Variants in ELF1 observed in about 807,000 individuals in gnomAD.
The protein encoded by ELF1 is E74 like ETS transcription factor 1, also known as ETS-related transcription factor Elf-1.
Under a neutral mutation model 59.9 loss-of-function variants are expected in ELF1, and 24 were observed. The observed-to-expected ratio is 0.40, with a 90% CI of 0.29 to 0.56. The LOEUF is 0.56. ELF1 is among the 20% of genes least tolerant of loss of function. ELF1 has a pLI of 0.44. For synonymous variants in ELF1, 248 were observed against 266.2 expected, an observed-to-expected ratio of 0.93 and a Z score of 0.67; for missense variants, 627 against 742.2, an observed-to-expected ratio of 0.84 and a Z score of 1.80.
chr13:40,984,663 A>G (rs1408441650), intron 1 of ELF1, among the ~76,000 whole-genome samples: 1 of 152,250 alleles, frequency 6.6e-6, no homozygotes, highest in East Asian at 1.9e-4. Flanking sequence ...GGAAACTATT[A>G]TCACAAGCTT....
At chr13:41,029,495 C>T (rs1876079632) in intron 1 of ELF1, among the ~76,000 whole-genome samples, 1 of 152,172 alleles carries the variant, frequency 6.6e-6, no homozygotes. Flanking sequence ...GATCCTCTCA[C>T]CTCAGCCTCC....
Position 40,941,195 on chromosome 13 carries a change from G to A in ELF1, c.982C>T (p.Arg328Trp), listed in dbSNP as rs766771438. ...CCTGGACTTGAAGATACTCTCGACC[G>A]GCTGGTTTGATTCCTATTTGAAGTG... ...SATSNRNQTS[R>W]SRVSSSPGVK... is the part of the protein sequence containing the mutation. Residue 328 changes from arginine to tryptophan, a missense_variant, in exon 8 of 9, where the codon CGG becomes TGG. This residue lies in a region of ELF1 where 361 missense variants were observed against 396.1 expected (regional missense o/e 0.91). Coordinates refer to ENST00000239882, the MANE Select transcript of ELF1 (RefSeq NM_172373.4). 35 of 1,614,004 alleles carry A rather than the reference G, an allele frequency of 2.2e-5. No homozygotes were observed. The highest frequency in any genetic ancestry group is 1.4e-4 in the South Asian group (13 of 91,092).
rs144961243 is a variant in ELF1, at chr13:41,045,406, C to T, written c.-229+15432G>A. Among the ~76,000 whole-genome samples the T allele has an allele frequency of 0.019, 2,847 of 152,150 alleles. 125 individuals carry two copies. The East Asian group carries it at 0.19, about 10-fold the overall frequency. ...TAGGGTGTCAATTTTAGATCTTTCC[C>T]GCTTTCTCTTGTGGGCATTTAGTAC... On this transcript the variant is annotated intron_variant, in intron 1 of 1. Coordinates refer to the ELF1 transcript ENST00000405737.
chr13:41,045,489 G>A (rs529782937), intron 1 of ELF1, among the ~76,000 whole-genome samples: 6 of 152,246 alleles, frequency 3.9e-5, no homozygotes, highest in Non-Finnish European at 5.9e-5. Context: ...GGTATGTTGT[G>A]TCTTTGTTCT....
Position 41,048,353 on chromosome 13 carries a change from G to A in ELF1, c.-229+12485C>T, listed in dbSNP as rs11618326. ...TCAGTTGGAAATGCAGAAATCACCC[G>A]TCTTCTGCGTCACTCACGCTGAGAG... On this transcript the variant is annotated intron_variant, in intron 1 of 1. Transcript: ENST00000405737. Among the ~76,000 whole-genome samples, 1,503 of 152,280 alleles carry A rather than the reference G, an allele frequency of 9.9e-3. 19 individuals carry two copies. Among genetic ancestry groups the A allele is most frequent in the Admixed American group, 0.018 (280 of 15,302 alleles).
chr13:40,953,271 C>T (rs952537535), intron 3 of ELF1, among the ~76,000 whole-genome samples: 9 of 152,100 alleles, frequency 5.9e-5, no homozygotes, highest in African/African-American at 1.2e-4. Flanking sequence ...CCACCGTGCC[C>T]GGCCTACAGT....
intron 2 of ELF1, among the ~76,000 whole-genome samples, chr13:40,981,702 T>A (rs1357280336): frequency 6.6e-6 from 1 of 152,152 alleles, no homozygotes; most frequent in African/African-American, 2.4e-5. Context: ...TAAAAATAAT[T>A]ACTTAAGGCA....
intron 2 of ELF1, among the ~76,000 whole-genome samples, chr13:40,978,578 G>C (rs953327673): frequency 1.3e-5 from 2 of 151,866 alleles, no homozygotes; most frequent in Non-Finnish European, 2.9e-5. Context: ...ATTGTTAAAA[G>C]ACAACACTAG....
chr13:41,002,951 A>C (rs931063122), intron 1 of ELF1, among the ~76,000 whole-genome samples: 8 of 152,344 alleles, frequency 5.3e-5, no homozygotes, highest in African/African-American at 1.9e-4. Context: ...GTTTAAAAGA[A>C]TATTAAGTAA....
At chr13:41,057,752 C>T (rs1472336956) in intron 1 of ELF1, among the ~76,000 whole-genome samples, 1 of 152,176 alleles carries the variant, frequency 6.6e-6, no homozygotes, top group Non-Finnish European at 1.5e-5. Flanking sequence ...CACTCAGTGT[C>T]ACTAATTTAT....
chr13:40,936,495 T>C (rs1465179499), intron 8 of ELF1, among the ~76,000 whole-genome samples: 2 of 152,156 alleles, frequency 1.3e-5, no homozygotes, highest in Non-Finnish European at 2.9e-5. Flanking sequence ...GGCTCATGCC[T>C]GTAATCCTAG....
intron 1 of ELF1, among the ~76,000 whole-genome samples, chr13:41,054,393 T>C (rs535834813): frequency 3.3e-4 from 50 of 152,232 alleles, no homozygotes; most frequent in Admixed American, 1.9e-3. Context: ...GTTTTAGTCC[T>C]GATATTTTGT....
At chr13:40,954,110 A>G (rs1223265324) in intron 3 of ELF1, among the ~76,000 whole-genome samples, 1 of 152,246 alleles carries the variant, frequency 6.6e-6, no homozygotes, top group African/African-American at 2.4e-5. Flanking sequence ...AGCAATGAAT[A>G]GAAACTTCTA....
intron 1 of ELF1, among the ~76,000 whole-genome samples, chr13:41,008,571 TAA>T (rs530475968): frequency 2.7e-5 from 4 of 145,726 alleles, no homozygotes; most frequent in Admixed American, 6.9e-5. Context: ...TTGCTTAGGT[TAA>T]AAAAAAAAAA....
At chr13:40,951,566 A>T in intron 3 of ELF1, 130 bp from the exon 4 acceptor site, 4 of 564,100 alleles carry the variant, frequency 7.1e-6, no homozygotes, top group Non-Finnish European at 1.1e-5. Flanking sequence ...TATAAACTAT[A>T]AACACACAAA....
At position 40,966,703 on chromosome 13, in the gene ELF1, T is replaced by C. The variant is rs193294250; in HGVS notation, c.73-7687A>G. The stretch of plus-strand genomic sequence containing the variant: ...GTATCAAAAAGCACAAGAACTTTCA[T>C]ATAACTTGTTTACCAAGTTTCTCTA... On this transcript the variant is annotated intron_variant, in intron 2 of 8. Transcript: ENST00000239882. Among the ~76,000 whole-genome samples the C allele has an allele frequency of 3.3e-5, 5 of 152,236 alleles. No homozygotes were observed. The South Asian group carries it at 8.3e-4, about 25-fold the overall frequency.
At chr13:40,989,845 A>G (rs1285704097) in intron 1 of ELF1, among the ~76,000 whole-genome samples, 1 of 152,202 alleles carries the variant, frequency 6.6e-6, no homozygotes, top group Non-Finnish European at 1.5e-5. Context: ...GGGGGAATTT[A>G]AAAAACCAGA....
chr13:40,972,662 T>C (rs1263136196), intron 2 of ELF1, among the ~76,000 whole-genome samples: 1 of 152,128 alleles, frequency 6.6e-6, no homozygotes, highest in East Asian at 1.9e-4. Context: ...TGCATAAGCA[T>C]TTAATGCTCA....
chr13:41,058,393 C>T (rs979032374), intron 1 of ELF1, among the ~76,000 whole-genome samples: 4 of 152,178 alleles, frequency 2.6e-5, no homozygotes, highest in Admixed American at 6.5e-5. Flanking sequence ...TCAAGGTCCA[C>T]TCTCCCCTCT....
Sources: allele counts gnomAD v4.1 joint callset (sites outside exome capture counted in the v4.1 genomes callset), GRCh38; gene constraint gnomAD v4.1.1; regional missense constraint gnomAD v4.1.1; transcripts MANE v1.5; gene names NCBI Gene and HGNC (gene_info 2026-07-23, HGNC 2026-07-21).